Variants in ROBO2 observed in about 807,000 individuals in gnomAD.
ROBO2 encodes the protein roundabout guidance receptor 2.
ROBO2 carries 53 observed loss-of-function variants against 160.8 expected under a neutral mutation model. The ratio of observed to expected loss-of-function variants is 0.33; its 90% CI spans 0.26 to 0.41. The LOEUF (loss-of-function observed/expected upper bound fraction) is 0.41, where lower values mean the gene tolerates loss of function less well. ROBO2 is among the 10% of genes least tolerant of loss of function. ROBO2 has a pLI of 1.00. For missense variants in ROBO2, 1,577 were observed against 1,722.4 expected (o/e 0.92, Z 1.49); for synonymous variants, 664 against 611.7 (o/e 1.09, Z -1.26).
chr3:76,153,627 G>A (rs757483674), intron 2 of ROBO2, among the ~76,000 whole-genome samples: 29 of 152,210 alleles, frequency 1.9e-4, no homozygotes, highest in Middle Eastern at 3.4e-3. Context: ...TACAGAAGAC[G>A]AACCTTACAA....
chr3:77,604,321 TG>T (rs1232172302), intron 20 of ROBO2, among the ~76,000 whole-genome samples: 2 of 152,190 alleles, frequency 1.3e-5, no homozygotes, highest in African/African-American at 4.8e-5. Flanking sequence ...TAATTTATCC[TG>T]GGCTTCCTTT....
At chr3:76,871,348 A>T (rs1411626598) in intron 2 of ROBO2, among the ~76,000 whole-genome samples, 4 of 151,738 alleles carry the variant, frequency 2.6e-5, no homozygotes, top group Non-Finnish European at 5.9e-5. Context: ...AGGTCAGGAG[A>T]TCGAGACCAT....
chr3:76,693,455 T>G (rs1029923875), intron 2 of ROBO2, among the ~76,000 whole-genome samples: 1 of 141,026 alleles, frequency 7.1e-6, no homozygotes, highest in African/African-American at 2.8e-5. Context: ...TGTGTATATA[T>G]ATACACATAT....
chr3:77,088,877 T>C (rs1319476672), intron 1 of ROBO2, among the ~76,000 whole-genome samples: 1 of 152,176 alleles, frequency 6.6e-6, no homozygotes, highest in Non-Finnish European at 1.5e-5. Context: ...TTTTTTAAAG[T>C]ATGTACCCTG....
At chr3:77,426,034 A>G (rs781434608) in intron 2 of ROBO2, among the ~76,000 whole-genome samples, 4 of 152,156 alleles carry the variant, frequency 2.6e-5, no homozygotes, top group Non-Finnish European at 5.9e-5. Context: ...GACCCAGTTC[A>G]TATTTTCTAA....
At chr3:76,058,988 T>C (rs910971787) in intron 2 of ROBO2, among the ~76,000 whole-genome samples, 3 of 151,390 alleles carry the variant, frequency 2.0e-5, no homozygotes, top group African/African-American at 4.9e-5. Context: ...CTCATCATTT[T>C]TTATGGCTGC....
chr3:76,576,982 A>T (rs73841208), intron 2 of ROBO2, among the ~76,000 whole-genome samples: 7,008 of 151,978 alleles, frequency 0.046, 602 homozygotes, highest in African/African-American at 0.16. Context: ...AGGAATAGGG[A>T]AGAAGAGGAA....
In ROBO2 at chr3:77,200,299, ATATATATATATATATATATATATT is replaced by A. The variant is rs1359452663; in HGVS notation, c.388+101961_388+101984del. ...TATATATATATATATATATATATAT[ATATATATATATATATATATATATT>A]TTAGTTTCTATAGGTAAAGGGAATA... On this transcript the variant is annotated intron_variant, in intron 2 of 25. Transcript: ENST00000461745. Among the ~76,000 whole-genome samples the A allele has an allele frequency of 1.2e-3, 92 of 77,544 alleles. 3 individuals are homozygous for A. The highest frequency in any genetic ancestry group is 3.0e-3 in the South Asian group (8 of 2,690). The allele number at this position is 77,544 out of a possible 152,430, so 50.9% of individuals were successfully genotyped here. A position where few individuals can be genotyped will look rare whatever the true frequency, so the allele number is the denominator to read the frequency against.
At chr3:77,246,475 T>A (rs940255047) in intron 2 of ROBO2, among the ~76,000 whole-genome samples, 1 of 152,062 alleles carries the variant, frequency 6.6e-6, no homozygotes, top group Non-Finnish European at 1.5e-5. Flanking sequence ...AATCCTTGGT[T>A]ATATATGGGA....
intron 1 of ROBO2, among the ~76,000 whole-genome samples, chr3:77,072,444 G>A (rs2067525127): frequency 6.6e-6 from 1 of 152,078 alleles, no homozygotes; most frequent in Non-Finnish European, 1.5e-5. Flanking sequence ...CCAAAAGGTG[G>A]GGAACTTGTG....
chr3:77,128,942 A>C (rs2150336330), intron 2 of ROBO2, among the ~76,000 whole-genome samples: 1 of 152,262 alleles, frequency 6.6e-6, no homozygotes, highest in African/African-American at 2.4e-5. Flanking sequence ...TTCCTTTGCT[A>C]ATATGATAGG....
chr3:77,408,120 A>C (rs975428472), intron 2 of ROBO2, among the ~76,000 whole-genome samples: 3 of 152,096 alleles, frequency 2.0e-5, no homozygotes, highest in Non-Finnish European at 4.4e-5. Context: ...AACAAACAAA[A>C]AAACCTTCCA....
At chr3:76,428,403 A>T (rs1346967291) in intron 2 of ROBO2, among the ~76,000 whole-genome samples, 1 of 152,202 alleles carries the variant, frequency 6.6e-6, no homozygotes, top group Admixed American at 6.5e-5. Flanking sequence ...CATTTTTAAG[A>T]ATTCTATATG....
At chr3:77,239,293 C>T (rs569431234) in intron 2 of ROBO2, among the ~76,000 whole-genome samples, 25 of 152,202 alleles carry the variant, frequency 1.6e-4, no homozygotes, top group African/African-American at 5.8e-4. Context: ...TGTTGCAGCT[C>T]TTAAGGCAGC....
At chr3:76,295,497 C>A (rs1381916996) in intron 2 of ROBO2, among the ~76,000 whole-genome samples, 1 of 152,092 alleles carries the variant, frequency 6.6e-6, no homozygotes, top group African/African-American at 2.4e-5. Flanking sequence ...TATGAACACT[C>A]CTGTTTTCCA....
chr3:76,072,784 T>C (rs944601667), intron 2 of ROBO2, among the ~76,000 whole-genome samples: 1 of 152,310 alleles, frequency 6.6e-6, no homozygotes, highest in East Asian at 1.9e-4. Flanking sequence ...GCCAATGGCC[T>C]CAAGCGATGT....
At chr3:77,534,526 G>A (rs1184419956) in intron 6 of ROBO2, among the ~76,000 whole-genome samples, 1 of 152,092 alleles carries the variant, frequency 6.6e-6, no homozygotes, top group Non-Finnish European at 1.5e-5. Context: ...AGACAGGGAT[G>A]TCATGATACA....
chr3:77,136,522 GCT>G (rs1560087245), intron 2 of ROBO2, among the ~76,000 whole-genome samples: 1 of 105,478 alleles, frequency 9.5e-6, no homozygotes, highest in Admixed American at 1.3e-4. Context: ...ATAGGGTTTT[GCT>G]CTGTCACACA....
At chr3:76,666,007 A>G (rs909754334) in intron 2 of ROBO2, among the ~76,000 whole-genome samples, 2 of 121,322 alleles carry the variant, frequency 1.6e-5, no homozygotes, top group Non-Finnish European at 3.7e-5. Flanking sequence ...AATATATAAT[A>G]TATACATATT....
Sources: gnomAD v4.1 joint callset for allele counts (sites outside exome capture counted in the v4.1 genomes callset) on GRCh38, gnomAD v4.1.1 for gene constraint, MANE v1.5 for transcripts, NCBI Gene and HGNC (gene_info 2026-07-23, HGNC 2026-07-21) for gene names.